NINJ2: variants seen among roughly 807,000 people sequenced by gnomAD.
NINJ2 encodes ninjurin 2, also known as ninjurin-2.
Under a neutral mutation model 11.7 loss-of-function variants are expected in NINJ2, and 12 were observed. The observed-to-expected ratio is 1.02, with a 90% CI of 0.66 to 1.66. The LOEUF (loss-of-function observed/expected upper bound fraction) is 1.66. NINJ2 is among the 40% of genes most tolerant of loss of function. The probability of loss-of-function intolerance (pLI) is 0.00; values close to 1 mark genes in which losing one functional copy is unlikely to be tolerated. For missense variants in NINJ2, 187 were observed against 181.8 expected (o/e 1.03, Z -0.16); for synonymous variants, 93 against 76.8 (o/e 1.21, Z -1.10).
At chr12:611,781 C>T (rs940165574) in intron 1 of NINJ2, among the ~76,000 whole-genome samples, 1 of 152,240 alleles carries the variant, frequency 6.6e-6, no homozygotes, top group Non-Finnish European at 1.5e-5. Flanking sequence ...CAATAAATAA[C>T]CTGCTAGAAG....
intron 1 of NINJ2, among the ~76,000 whole-genome samples, chr12:637,872 C>T (rs1019002666): frequency 3.9e-5 from 6 of 152,136 alleles, no homozygotes; most frequent in South Asian, 2.1e-4. Context: ...GTCCCCACCT[C>T]GGCCCTATGG....
chr12:586,091 G>C (rs1947635484), intron 1 of NINJ2: 1 of 151,760 alleles, frequency 6.6e-6, no homozygotes, highest in Non-Finnish European at 1.5e-5. Flanking sequence ...CGTTCAAGTT[G>C]ATTAAGGGTG....
chr12:609,308 A>G (rs1341507627), intron 1 of NINJ2, among the ~76,000 whole-genome samples: 1 of 85,312 alleles, frequency 1.2e-5, no homozygotes, highest in Non-Finnish European at 2.4e-5. Context: ...GCACGGCGCC[A>G]CGCGCTAGGT....
chr12:606,466 T>C (rs1334334362), intron 1 of NINJ2, among the ~76,000 whole-genome samples: 2 of 152,168 alleles, frequency 1.3e-5, no homozygotes, highest in Non-Finnish European at 2.9e-5. Context: ...AGATGTTTTT[T>C]CTAGAGCAGA....
intron 1 of NINJ2, among the ~76,000 whole-genome samples, chr12:637,967 T>G (rs958713028): frequency 6.6e-6 from 1 of 152,192 alleles, no homozygotes; most frequent in African/African-American, 2.4e-5. Flanking sequence ...GAGTTCTCAT[T>G]CCAGCTCCTT....
At chr12:596,510 C>T (rs894057318) in intron 1 of NINJ2, among the ~76,000 whole-genome samples, 4 of 151,956 alleles carry the variant, frequency 2.6e-5, no homozygotes, top group Admixed American at 6.6e-5. Flanking sequence ...CTCCCAATTT[C>T]GCTATGAATT....
chr12:565,121 T>C, intron 3 of NINJ2, 96 bp downstream of exon 3: 2 of 1,019,326 alleles, frequency 2.0e-6, no homozygotes, highest in Non-Finnish European at 2.8e-6. Flanking sequence ...CCCCCTTTGT[T>C]TGGCAAGGGA....
At chr12:596,621 C>T (rs4300439) in intron 1 of NINJ2, among the ~76,000 whole-genome samples, 13,066 of 151,980 alleles carry the variant, frequency 0.086, 717 homozygotes, top group African/African-American at 0.16. Flanking sequence ...GAAGAATTTT[C>T]CAAATATAAA....
rs141265986 is a variant in NINJ2, at chr12:635,933, C to T, written c.33+27395G>A. Among the ~76,000 whole-genome samples the T allele has an allele frequency of 4.2e-3, 634 of 151,946 alleles. 30 individuals carry two copies. In the East Asian group the frequency reaches 0.1, roughly 25 times the overall value. ...CTAATAAAAACACAAAAAAATTAGCCGAGCATGGTGGCAGGTGCCTGTAAT... is the reference window on the plus strand; with the variant it reads ...CTAATAAAAACACAAAAAAATTAGCTGAGCATGGTGGCAGGTGCCTGTAAT... On this transcript the variant is annotated intron_variant, in intron 1 of 3. Coordinates refer to ENST00000305108, the MANE Select transcript of NINJ2 (RefSeq NM_016533.6).
chr12:607,726 T>C (rs139892226), intron 1 of NINJ2, among the ~76,000 whole-genome samples: 15 of 152,216 alleles, frequency 9.9e-5, no homozygotes, highest in Admixed American at 3.3e-4. Context: ...AGGAAGTAGG[T>C]CAGGAGGAGA....
At position 628,592 on chromosome 12, in the gene NINJ2, A is replaced by G. The variant is rs1948235395; in HGVS notation, c.33+34736T>C. On this transcript the variant is annotated intron_variant, in intron 1 of 3. Coordinates refer to ENST00000305108, the MANE Select transcript of NINJ2 (RefSeq NM_016533.6). The surrounding 1 kb of genome is among the most constrained non-coding windows in gnomAD (Gnocchi z 4.4). The stretch of plus-strand genomic sequence containing the variant: ...ACTCCATCTTGAATAGGGGCTGGTA[A>G]AATGAGGCTGAGACCTGCTAGGTGG... Among the ~76,000 whole-genome samples, 1 of 152,224 alleles carries G rather than the reference A, an allele frequency of 6.6e-6. No individual in the cohort carries two copies. The highest frequency in any genetic ancestry group is 2.4e-5 in the African/African-American group (1 of 41,460).
At position 612,980 on chromosome 12, in the gene NINJ2, C is replaced by T. The variant is rs73596282; in HGVS notation, c.34-46802G>A. 3.6e-3 allele frequency among the ~76,000 whole-genome samples: 549 copies of T among 152,246 alleles called. 4 individuals carry two copies. The highest frequency in any genetic ancestry group is 0.012 in the African/African-American group (519 of 41,550). ...GGATGCTAAACAGGCCTCATGGAATCACAGAATCAGGGTGAAAGGGACAAA... is the reference window on the plus strand; with the variant it reads ...GGATGCTAAACAGGCCTCATGGAATTACAGAATCAGGGTGAAAGGGACAAA... On this transcript the variant is annotated intron_variant, in intron 1 of 3. Coordinates refer to ENST00000305108, the MANE Select transcript of NINJ2 (RefSeq NM_016533.6).
At chr12:620,420 A>T (rs1306077501) in intron 1 of NINJ2, among the ~76,000 whole-genome samples, 1 of 152,266 alleles carries the variant, frequency 6.6e-6, no homozygotes, top group Non-Finnish European at 1.5e-5. Flanking sequence ...CATTGCCTAG[A>T]GAACAAATAG....
intron 1 of NINJ2, chr12:643,743 C>T: frequency 1.1e-6 from 1 of 916,262 alleles, no homozygotes; most frequent in Non-Finnish European, 1.3e-6. Context: ...GAACTCGCTC[C>T]CCCCTCACAT....
intron 1 of NINJ2, among the ~76,000 whole-genome samples, chr12:600,119 A>G (rs1411445136): frequency 2.0e-5 from 3 of 152,132 alleles, no homozygotes; most frequent in African/African-American, 4.8e-5. Flanking sequence ...CCAAGCTTCA[A>G]TTCCTCGGGG....
chr12:629,321 A>G (rs922228258), intron 1 of NINJ2, among the ~76,000 whole-genome samples: 1 of 152,244 alleles, frequency 6.6e-6, no homozygotes. Flanking sequence ...AGTGGTCCAC[A>G]GGACTAGGAG....
intron 1 of NINJ2, among the ~76,000 whole-genome samples, chr12:638,740 A>G (rs1012566131): frequency 1.3e-5 from 2 of 152,120 alleles, no homozygotes; most frequent in African/African-American, 4.8e-5. Context: ...ATCCAGTTTA[A>G]TATTTTATAC....
chr12:568,062 T>C (rs1415328775), intron 1 of NINJ2, among the ~76,000 whole-genome samples: 2 of 152,174 alleles, frequency 1.3e-5, no homozygotes, highest in Admixed American at 6.5e-5. Context: ...ACTTTCTTGA[T>C]AGTGTAATCT....
intron 1 of NINJ2, among the ~76,000 whole-genome samples, chr12:583,385 A>G (rs1947586283): frequency 1.3e-5 from 2 of 152,382 alleles, no homozygotes; most frequent in South Asian, 4.1e-4. Flanking sequence ...TTCTAAAAAT[A>G]CTAACGAGCG....
Sources: allele counts gnomAD v4.1 joint callset (sites outside exome capture counted in the v4.1 genomes callset), GRCh38; gene constraint gnomAD v4.1.1; non-coding constraint Gnocchi (gnomAD v3.1); transcripts MANE v1.5; gene names NCBI Gene and HGNC (gene_info 2026-07-23, HGNC 2026-07-21).